The following SORCS3 variants were observed in gnomAD, a reference collection of about 807,000 sequenced individuals.
SORCS3 encodes VPS10 domain-containing receptor SorCS3.
A neutral mutation model predicts 146.3 loss-of-function variants in SORCS3; 57 were observed. That is an observed-to-expected ratio of 0.39 (90% confidence interval 0.31 to 0.49). The LOEUF (loss-of-function observed/expected upper bound fraction) is 0.49, where lower values mean the gene tolerates loss of function less well. Ranked by LOEUF, SORCS3 falls within the 20% of genes least tolerant of loss-of-function variation. The pLI is 0.92. For synonymous variants in SORCS3, 653 were observed against 618.5 expected, an observed-to-expected ratio of 1.06 and a Z score of -0.83; for missense variants, 1,341 against 1,575.5, an observed-to-expected ratio of 0.85 and a Z score of 2.52.
chr10:104,918,989 T>C (rs1324048860), intron 3 of SORCS3, among the ~76,000 whole-genome samples: 5 of 152,248 alleles, frequency 3.3e-5, no homozygotes, highest in African/African-American at 1.2e-4. Flanking sequence ...GCTGTTTTTT[T>C]CTACTCCTGA....
intron 1 of SORCS3, among the ~76,000 whole-genome samples, chr10:104,647,938 A>G (rs1269489691): frequency 6.6e-6 from 1 of 152,196 alleles, no homozygotes; most frequent in African/African-American, 2.4e-5. Context: ...TTTCCTGTGT[A>G]TGTGGCATTG....
intron 12 of SORCS3, among the ~76,000 whole-genome samples, chr10:105,166,449 G>T (rs954513451): frequency 6.6e-6 from 1 of 152,170 alleles, no homozygotes; most frequent in South Asian, 2.1e-4. Flanking sequence ...TAAGGTTGGA[G>T]ATATAAAAGT....
rs959065679 is a variant in SORCS3 at position 105,194,233 on chromosome 10, A to C, written c.2010-5766A>C. On this transcript the variant is annotated intron_variant, in intron 14 of 26. Coordinates refer to ENST00000369701, the MANE Select transcript of SORCS3 (RefSeq NM_014978.3). ...TCAAATAAAAAAAGAAAGTCCCAGC[A>C]TATGAAGTTAGTACGTACCTTGATA... Among the ~76,000 whole-genome samples the C allele has an allele frequency of 3.3e-5, 5 of 152,304 alleles. No individual in the cohort carries two copies. The South Asian group carries it at 8.3e-4, about 25-fold the overall frequency.
chr10:104,813,462 A>G (rs947450468), intron 1 of SORCS3, among the ~76,000 whole-genome samples: 1 of 152,198 alleles, frequency 6.6e-6, no homozygotes, highest in East Asian at 1.9e-4. Context: ...ACTAATCTAC[A>G]TACTCAGTTC....
chr10:105,035,110 C>T (rs960429973), intron 4 of SORCS3, among the ~76,000 whole-genome samples: 4 of 152,146 alleles, frequency 2.6e-5, no homozygotes, highest in African/African-American at 9.7e-5. Flanking sequence ...AACTGGGGCT[C>T]AAAAACATAC....
chr10:105,215,784 A>T (rs2056661347), intron 18 of SORCS3, among the ~76,000 whole-genome samples: 1 of 152,204 alleles, frequency 6.6e-6, no homozygotes, highest in South Asian at 2.1e-4. Context: ...GGGGGAAGAA[A>T]TGGAAAGTGA....
At chr10:104,709,613 G>C (rs1464825247) in intron 1 of SORCS3, among the ~76,000 whole-genome samples, 1 of 152,198 alleles carries the variant, frequency 6.6e-6, no homozygotes, top group Non-Finnish European at 1.5e-5. Flanking sequence ...CCATTTGACA[G>C]ATGGGGAACT....
chr10:105,239,626 A>G (rs2056811767), intron 20 of SORCS3, among the ~76,000 whole-genome samples: 1 of 152,110 alleles, frequency 6.6e-6, no homozygotes, highest in African/African-American at 2.4e-5. Flanking sequence ...TATTTTTCTA[A>G]GGGGCCTCCC....
intron 1 of SORCS3, among the ~76,000 whole-genome samples, chr10:104,706,489 G>T (rs2016339803): frequency 6.6e-6 from 1 of 152,192 alleles, no homozygotes; most frequent in Middle Eastern, 3.4e-3. Flanking sequence ...TTACAGGCGT[G>T]AGCCACTGTG....
In SORCS3 at chr10:105,233,113, TA is replaced by T. The variant is rs879603199; in HGVS notation, c.2868+9876del. On this transcript the variant is annotated intron_variant, in intron 20 of 26. Transcript: ENST00000369701. ...CTTTTTTTGTATATCACTCATACTT[TA>T]AAAAAAAAAAACTTTTTAAAGTGAT... Among the ~76,000 whole-genome samples the T allele has an allele frequency of 7.8e-3, 1,144 of 145,890 alleles. 9 individuals are homozygous for T. Among genetic ancestry groups the T allele is most frequent in the African/African-American group, 0.025 (989 of 40,142 alleles).
intron 20 of SORCS3, among the ~76,000 whole-genome samples, chr10:105,242,262 T>TTA (rs1247714996): frequency 1.4e-5 from 2 of 140,080 alleles, no homozygotes; most frequent in Non-Finnish European, 3.0e-5. Flanking sequence ...ATACATATAT[T>TTA]TATATATATA....
chr10:104,786,885 T>C (rs1006520925), intron 1 of SORCS3, among the ~76,000 whole-genome samples: 1 of 152,150 alleles, frequency 6.6e-6, no homozygotes, highest in Non-Finnish European at 1.5e-5. Context: ...TTCAGAACCT[T>C]CCACCACCCC....
chr10:104,641,934 T>A lies in SORCS3; in HGVS notation c.607T>A (p.Trp203Arg). The change falls in exon 1 of 27, where the codon TGG becomes AGG. Residue 203 changes from tryptophan to arginine, a missense_variant. Trp to Arg is a moderately radical substitution (Grantham distance 101). Transcript: ENST00000369701. This position sits in a 1 kb window ranked among gnomAD's most constrained non-coding sequence, Gnocchi z 6.4. ...GGCCCACAACCAAGCCATGGTGCAC[T>A]GGTCGGGACACAACAGCAGCGTGAG... ...DSAHNQAMVH[W>R]SGHNSSVILI... is the part of the protein sequence containing the mutation. 1 of 1,373,146 alleles carries A rather than the reference T, an allele frequency of 7.3e-7. No individual in the cohort carries two copies. The allele number at this position is 1,373,146 out of a possible 1,614,324, so 85.1% of individuals were successfully genotyped here. A position where few individuals can be genotyped will look rare whatever the true frequency, so the allele number is the denominator to read the frequency against.
chr10:105,260,399 G>A (rs963144441), intron 25 of SORCS3, among the ~76,000 whole-genome samples: 1 of 152,134 alleles, frequency 6.6e-6, no homozygotes, highest in Non-Finnish European at 1.5e-5. Flanking sequence ...TATATAAAAA[G>A]GAATATAAAG....
chr10:104,796,551 A>G (rs2017558217), intron 1 of SORCS3, among the ~76,000 whole-genome samples: 2 of 151,614 alleles, frequency 1.3e-5, no homozygotes, highest in Admixed American at 6.6e-5. Flanking sequence ...AATTATTTTT[A>G]TGATTACTCT....
intron 5 of SORCS3, among the ~76,000 whole-genome samples, chr10:105,072,887 G>A (rs1409453383): frequency 6.6e-6 from 1 of 152,050 alleles, no homozygotes; most frequent in East Asian, 1.9e-4. Flanking sequence ...CACGTAGTGA[G>A]TACTCCTAAG....
chr10:104,874,409 G>A (rs376783224), intron 2 of SORCS3, among the ~76,000 whole-genome samples: 15 of 152,128 alleles, frequency 9.9e-5, no homozygotes, highest in African/African-American at 3.6e-4. Flanking sequence ...TATTCTTACT[G>A]TTATAATAAA....
At chr10:105,200,149 TGAG>T in intron 15 of SORCS3, 33 bp downstream of exon 15, 1 of 1,553,064 alleles carries the variant, frequency 6.4e-7, no homozygotes, top group Non-Finnish European at 8.9e-7. Flanking sequence ...GTGCTGGCTT[TGAG>T]GAGGAGGAGC....
At chr10:104,912,537 C>T (rs951685731) in intron 2 of SORCS3, among the ~76,000 whole-genome samples, 49 of 152,320 alleles carry the variant, frequency 3.2e-4, no homozygotes, top group East Asian at 9.6e-4. Flanking sequence ...AAGCCTCAAG[C>T]GTGTTTTCTA....
Sources: gnomAD v4.1 joint callset for allele counts (sites outside exome capture counted in the v4.1 genomes callset) on GRCh38, gnomAD v4.1.1 for gene constraint, Gnocchi (gnomAD v3.1) non-coding constraint, MANE v1.5 for transcripts, NCBI Gene and HGNC (gene_info 2026-07-23, HGNC 2026-07-21) for gene names.